The following HMCN1 variants were observed in gnomAD, a reference collection of about 807,000 sequenced individuals.
HMCN1 encodes the protein hemicentin 1.
HMCN1 carries 321 observed loss-of-function variants against 625.9 expected under a neutral mutation model. The observed-to-expected ratio is 0.51, with a 90% CI of 0.47 to 0.56. The LOEUF (loss-of-function observed/expected upper bound fraction) is 0.56, where lower values mean the gene tolerates loss of function less well. HMCN1 is among the 20% of genes least tolerant of loss of function. HMCN1 has a pLI of 0.00. For missense variants in HMCN1, 6,588 were observed against 6,887.3 expected, an observed-to-expected ratio of 0.96 and a Z score of 1.54; for synonymous variants, 2,425 against 2,417.6, an observed-to-expected ratio of 1.00 and a Z score of -0.09.
At chr1:185,979,733 G>A (rs1295704576) in intron 16 of HMCN1, among the ~76,000 whole-genome samples, 1 of 152,108 alleles carries the variant, frequency 6.6e-6, no homozygotes, top group Non-Finnish European at 1.5e-5. Context: ...GATGCATATG[G>A]TTAGCAGAGG....
chr1:185,870,390 A>G (rs768035257), intron 4 of HMCN1, among the ~76,000 whole-genome samples: 22 of 152,120 alleles, frequency 1.4e-4, no homozygotes, highest in Non-Finnish European at 2.9e-4. Flanking sequence ...AACACAAAAG[A>G]TCACTGTTAT....
rs533475365 is a variant in HMCN1 at position 185,889,163 on chromosome 1, T to A, written c.622-20174T>A. Among the ~76,000 whole-genome samples, 5 of 145,540 alleles carry A rather than the reference T, an allele frequency of 3.4e-5. No homozygotes were observed. The South Asian group carries it at 1.1e-3, about 32-fold the overall frequency. On this transcript the variant is annotated intron_variant, in intron 4 of 106. Coordinates refer to ENST00000271588, the MANE Select transcript of HMCN1 (RefSeq NM_031935.3). ...GTGATTTTTGCACATTGATTTTGTA[T>A]CCTGAGACTTTGCTGAAGTTGCTTA...
At chr1:185,831,812 G>A (rs536120934) in intron 1 of HMCN1, among the ~76,000 whole-genome samples, 22 of 151,970 alleles carry the variant, frequency 1.4e-4, no homozygotes, top group Admixed American at 9.2e-4. Context: ...AAACATATAC[G>A]GGAAAAAAAT....
intron 97 of HMCN1, among the ~76,000 whole-genome samples, chr1:186,163,444 A>C (rs886469250): frequency 2.6e-5 from 4 of 152,132 alleles, no homozygotes; most frequent in Non-Finnish European, 5.9e-5. Context: ...GGCACTCCCT[A>C]GTGAGATGAA....
At chr1:186,187,773 G>C (rs892824406) in intron 105 of HMCN1, 110 bp from the exon 106 acceptor site, 20 of 1,401,510 alleles carry the variant, frequency 1.4e-5, no homozygotes, top group Non-Finnish European at 2.0e-5. Flanking sequence ...TTCATTCATG[G>C]CAGGAGAAGG....
intron 1 of HMCN1, among the ~76,000 whole-genome samples, chr1:185,839,448 C>T (rs1661355017): frequency 6.6e-6 from 1 of 152,126 alleles, no homozygotes; most frequent in Non-Finnish European, 1.5e-5. Context: ...AATAGCATGA[C>T]TTAAAATGTA....
intron 97 of HMCN1, among the ~76,000 whole-genome samples, chr1:186,159,157 A>T (rs550075511): frequency 6.6e-6 from 1 of 151,682 alleles, no homozygotes; most frequent in African/African-American, 2.4e-5. Flanking sequence ...ATCCCTTGTA[A>T]GTTGGATTCC....
chr1:185,879,293 C>A (rs1288862319), intron 4 of HMCN1, among the ~76,000 whole-genome samples: 3 of 149,328 alleles, frequency 2.0e-5, no homozygotes, highest in Non-Finnish European at 4.4e-5. Flanking sequence ...ACCTCAGCCT[C>A]CTGAGTAGTT....
At chr1:186,104,023 A>C (rs955033770) in intron 69 of HMCN1, among the ~76,000 whole-genome samples, 3 of 152,202 alleles carry the variant, frequency 2.0e-5, no homozygotes, top group African/African-American at 7.2e-5. Context: ...TTCAAAGAGC[A>C]CTTTTGATCT....
Position 185,778,468 on chromosome 1 carries a change from A to G in HMCN1, c.268+43421A>G, listed in dbSNP as rs370761743. 7.5e-3 allele frequency among the ~76,000 whole-genome samples: 1,124 copies of G among 150,032 alleles called. 14 individuals are homozygous for G. The highest frequency in any genetic ancestry group is 0.025 in the African/African-American group (1,009 of 40,522). On this transcript the variant is annotated intron_variant, in intron 1 of 106. Coordinates refer to ENST00000271588, the MANE Select transcript of HMCN1 (RefSeq NM_031935.3). Reference sequence around the variant, plus strand: ...CCCATTAACTCGTCATTTACATTAGATATATCTCCTAATGCTATCCCTCCC... The same window carrying G: ...CCCATTAACTCGTCATTTACATTAGGTATATCTCCTAATGCTATCCCTCCC...
At chr1:185,749,939 G>T (rs1056972200) in intron 1 of HMCN1, among the ~76,000 whole-genome samples, 1 of 152,140 alleles carries the variant, frequency 6.6e-6, no homozygotes, top group Non-Finnish European at 1.5e-5. Context: ...GATTCGCATG[G>T]CTGGCACATC....
chr1:186,030,063 C>T (rs776510308), intron 36 of HMCN1, among the ~76,000 whole-genome samples: 4 of 152,012 alleles, frequency 2.6e-5, no homozygotes, highest in Non-Finnish European at 4.4e-5. Context: ...TTTCATTGTG[C>T]TGGAGAACAT....
chr1:186,150,835 C>T (rs6695626), intron 93 of HMCN1, among the ~76,000 whole-genome samples: 8,041 of 151,830 alleles, frequency 0.053, 526 homozygotes, highest in African/African-American at 0.16. Context: ...TTAACACATA[C>T]TAGATGTTTA....
rs76066128 is a variant in HMCN1, at chr1:186,127,159, T to C, written c.12691-919T>C. On this transcript the variant is annotated intron_variant, in intron 82 of 106. Coordinates refer to ENST00000271588, the MANE Select transcript of HMCN1 (RefSeq NM_031935.3). ...AGCCATCAGCCGAGACGGTGAAGGC[T>C]ACAGGTGGTACAGGAAGGGGCCATT... Among the ~76,000 whole-genome samples, 1,490 of 152,186 alleles carry C rather than the reference T, an allele frequency of 9.8e-3. 16 individuals are homozygous for C. Among genetic ancestry groups the C allele is most frequent in the African/African-American group, 0.029 (1,207 of 41,540 alleles).
intron 11 of HMCN1, among the ~76,000 whole-genome samples, chr1:185,949,508 C>T (rs1274871873): frequency 2.0e-5 from 3 of 151,538 alleles, no homozygotes; most frequent in Admixed American, 6.6e-5. Context: ...TTTTAAAAGA[C>T]CTTTAGTCCA....
chr1:186,166,865 A>G lies in HMCN1; in HGVS notation c.15497A>G (p.Asn5166Ser). ...HTCHAGQDCDNTIGSYRCVVR... is the reference protein window; with the variant it reads ...HTCHAGQDCDSTIGSYRCVVR... ...TGCCACGCTGGTCAGGACTGTGACA[A>G]TACGATTGGATCTTATCGCTGTGTG... Residue 5166 changes from asparagine to serine, a missense_variant, in exon 100 of 107, where the codon AAT (asparagine) becomes AGT (serine). Coordinates refer to ENST00000271588, the MANE Select transcript of HMCN1 (RefSeq NM_031935.3). 7 of 1,614,164 alleles carry G rather than the reference A, an allele frequency of 4.3e-6. No individual in the cohort carries two copies. Among genetic ancestry groups the G allele is most frequent in the Non-Finnish European group, 5.9e-6 (7 of 1,180,016 alleles).
intron 4 of HMCN1, among the ~76,000 whole-genome samples, 192 bp from the exon 5 acceptor site, chr1:185,909,145 A>G (rs1666268993): frequency 6.6e-6 from 1 of 152,092 alleles, no homozygotes; most frequent in South Asian, 2.1e-4. Flanking sequence ...CATGGGTTAA[A>G]CCAGCATTTT....
At chr1:186,179,617 G>A (rs1652814450) in intron 104 of HMCN1, among the ~76,000 whole-genome samples, 1 of 152,044 alleles carries the variant, frequency 6.6e-6, no homozygotes, top group Non-Finnish European at 1.5e-5. Context: ...AAGAGGGAGG[G>A]AAGAAACAAA....
chr1:186,104,306 C>T (rs1323477641), intron 69 of HMCN1, among the ~76,000 whole-genome samples: 1 of 152,074 alleles, frequency 6.6e-6, no homozygotes, highest in East Asian at 1.9e-4. Flanking sequence ...CTCATTCATA[C>T]ACTGAGGGAT....
Sources: gnomAD v4.1 joint callset for allele counts (sites outside exome capture counted in the v4.1 genomes callset) on GRCh38, gnomAD v4.1.1 for gene constraint, MANE v1.5 for transcripts, NCBI Gene and HGNC (gene_info 2026-07-23, HGNC 2026-07-21) for gene names.